SYTL2: variants seen among roughly 807,000 people sequenced by gnomAD.
SYTL2 encodes synaptotagmin-like protein 2.
In SYTL2, 165 loss-of-function variants were observed where a neutral mutation model predicts 198.7. The observed-to-expected ratio is 0.83, with a 90% confidence interval of 0.73 to 0.94. The LOEUF is 0.94. Among genes scored for constraint, SYTL2 ranks in the 40% least tolerant of loss-of-function variants. The pLI, the probability that SYTL2 is intolerant of heterozygous loss-of-function variation, is 0.00. For synonymous variants in SYTL2, 966 were observed against 917.7 expected (o/e 1.05, Z -0.95); for missense variants, 2,835 against 2,582.8 (o/e 1.10, Z -2.12).
intron 12 of SYTL2, among the ~76,000 whole-genome samples, chr11:85,714,193 T>C (rs1301215912): frequency 6.6e-6 from 1 of 152,220 alleles, no homozygotes; most frequent in Non-Finnish European, 1.5e-5. Flanking sequence ...TCTATGCAAT[T>C]TGACTTCACT....
rs564478275 is a variant in SYTL2 at position 85,727,958 on chromosome 11, G to T, written c.1400C>A (p.Ser467Tyr). The change falls in exon 8 of 20, where the codon TCT (serine) becomes TAT (tyrosine). Residue 467 changes from serine (S) to tyrosine (Y), a missense_variant. Ser to Tyr is a moderately radical substitution (Grantham distance 144). Around this residue, in one of 3 missense-constraint regions of SYTL2, gnomAD observed 2,645 missense variants for 2,381.7 expected, o/e 1.11. Transcript: ENST00000359152. ...VLPRSPADEL[S>Y]HCVEPEPSQV... ...AGATGGCTCAGGCTCAACACAATGA[G>T]ACAGTTCATCTGCAACATAGAAATA... is the stretch of plus-strand genomic sequence containing the variant. 1 of 1,590,046 alleles carries T rather than the reference G, an allele frequency of 6.3e-7. No individual in the cohort carries two copies. Among genetic ancestry groups the T allele is most frequent in the South Asian group, 1.2e-5 (1 of 86,770 alleles).
intron 10 of SYTL2, chr11:85,717,800 A>T: frequency 2.0e-6 from 1 of 506,394 alleles, no homozygotes; most frequent in Non-Finnish European, 3.8e-6. Context: ...AATGGGAAGG[A>T]GCACTGGACT....
intron 2 of SYTL2, among the ~76,000 whole-genome samples, chr11:85,753,765 TTAAAA>T (rs2091692837): frequency 2.0e-5 from 2 of 101,840 alleles, no homozygotes; most frequent in Admixed American, 1.0e-4. Context: ...ACTCTCTTTT[TTAAAA>T]AAAAAAAAAA....
rs113802342 is a variant in SYTL2, at chr11:85,707,257, C to T, written c.6018+172G>A. Among the ~76,000 whole-genome samples, 102 of 152,242 alleles carry T rather than the reference C, an allele frequency of 6.7e-4. 1 individual carries two copies. Among genetic ancestry groups the T allele is most frequent in the African/African-American group, 1.9e-3 (78 of 41,522 alleles). On this transcript the variant is annotated intron_variant, in intron 15 of 19. Transcript: ENST00000359152. ...TATATATGGGGAGTGAATGAAATAACGTATACAACATTCAGGTTGTTTTGT... is the reference window on the plus strand; with the variant it reads ...TATATATGGGGAGTGAATGAAATAATGTATACAACATTCAGGTTGTTTTGT...
chr11:85,751,198 C>T (rs1421289571), intron 2 of SYTL2, among the ~76,000 whole-genome samples: 3 of 152,184 alleles, frequency 2.0e-5, no homozygotes, highest in Non-Finnish European at 4.4e-5. Flanking sequence ...TTACATATTT[C>T]CTTACATGAC....
the SYTL2 span, among the ~76,000 whole-genome samples, chr11:85,820,123 T>C: frequency 6.6e-6 from 1 of 152,236 alleles, no homozygotes; most frequent in Admixed American, 6.5e-5. Context: ...CCATTATAAA[T>C]GTAAGCAACA....
intron 1 of SYTL2, among the ~76,000 whole-genome samples, chr11:85,794,933 T>A (rs1162917448): frequency 6.6e-6 from 1 of 151,976 alleles, no homozygotes; most frequent in African/African-American, 2.4e-5. Flanking sequence ...TCAAAATGCC[T>A]AGCTTCCCAT....
At chr11:85,735,498 T>A (rs1371419219) in intron 6 of SYTL2, among the ~76,000 whole-genome samples, 1 of 152,214 alleles carries the variant, frequency 6.6e-6, no homozygotes, top group Non-Finnish European at 1.5e-5. Flanking sequence ...GGCTCACACC[T>A]GTAATCCCAG....
At chr11:85,808,361 G>A (rs879377844) in intron 1 of SYTL2, among the ~76,000 whole-genome samples, 33 of 151,950 alleles carry the variant, frequency 2.2e-4, no homozygotes, top group Non-Finnish European at 2.4e-4. Context: ...CACTGCACCC[G>A]GCCTGATATT....
intron 8 of SYTL2, among the ~76,000 whole-genome samples, chr11:85,723,149 T>C (rs2088604873): frequency 6.6e-6 from 1 of 152,194 alleles, no homozygotes; most frequent in African/African-American, 2.4e-5. Flanking sequence ...AATGTCCACA[T>C]GTTGATTAAA....
chr11:85,752,335 CCTCA>C (rs973567699), intron 2 of SYTL2, among the ~76,000 whole-genome samples: 1 of 152,062 alleles, frequency 6.6e-6, no homozygotes, highest in Non-Finnish European at 1.5e-5. Context: ...TTACAAATGA[CCTCA>C]CTTTCTAGAT....
rs1348404656 is a variant in SYTL2 at position 85,714,397 on chromosome 11, C to T, written c.5625+16G>A. The T allele has an allele frequency of 2.5e-6, 4 of 1,600,756 alleles. No individual in the cohort carries two copies. The Admixed American group carries it at 6.7e-5, about 27-fold the overall frequency. On this transcript the variant is annotated intron_variant, in intron 12 of 19. Transcript: ENST00000359152. ...CTCTGTCTCCATTTTTCTGAAGGTACAAAAGACAAACTTGCCTCATCTTGG... is the reference window on the plus strand; with the variant it reads ...CTCTGTCTCCATTTTTCTGAAGGTATAAAAGACAAACTTGCCTCATCTTGG...
intron 1 of SYTL2, among the ~76,000 whole-genome samples, chr11:85,770,004 G>A (rs1055526173): frequency 1.3e-5 from 2 of 152,142 alleles, no homozygotes; most frequent in African/African-American, 2.4e-5. Context: ...GGACAGCTGG[G>A]GGCTCAGATG....
the SYTL2 span, among the ~76,000 whole-genome samples, chr11:85,832,651 A>T: frequency 1.3e-5 from 2 of 152,096 alleles, no homozygotes; most frequent in African/African-American, 2.4e-5. Context: ...GGAGGTATTT[A>T]TGAGGAAATA....
At chr11:85,747,392 G>A (rs2091227258) in intron 3 of SYTL2, among the ~76,000 whole-genome samples, 1 of 152,126 alleles carries the variant, frequency 6.6e-6, no homozygotes, top group African/African-American at 2.4e-5. Flanking sequence ...GCCCATCTGG[G>A]GTGGGATGCT....
chr11:85,708,648 A>G (rs1319731133), intron 14 of SYTL2, among the ~76,000 whole-genome samples: 3 of 152,026 alleles, frequency 2.0e-5, no homozygotes, highest in Non-Finnish European at 4.4e-5. Flanking sequence ...CTAATTTTGT[A>G]AAAAGTTTGA....
In SYTL2 at chr11:85,726,096, T is replaced by C. The variant is rs372504994; in HGVS notation, c.3262A>G (p.Lys1088Glu). 1 of 1,613,660 alleles carries C rather than the reference T, an allele frequency of 6.2e-7. No individual in the cohort carries two copies. Among genetic ancestry groups the C allele is most frequent in the African/African-American group, 1.3e-5 (1 of 74,914 alleles). Residue 1088 changes from lysine (K) to glutamate (E), a missense_variant, in exon 8 of 20, where the codon AAG (lysine) becomes GAG (glutamate). Coordinates refer to ENST00000359152, the MANE Select transcript of SYTL2 (RefSeq NM_206927.4). ...TYQLPGNESS[K>E]ENVEKNTEGI... ...TCCGTATTCTTTTCCACATTTTCCT[T>C]TGATGACTCATTTCCTGGCAACTGA...
In SYTL2 at chr11:85,717,518, T is replaced by C. The variant is rs1225266329; in HGVS notation, c.5495A>G (p.Asp1832Gly). The C allele has an allele frequency of 3.7e-6, 6 of 1,613,108 alleles. No homozygotes were observed. The South Asian group carries it at 5.5e-5, about 15-fold the overall frequency. ...VRSAEDDEKP[D>G]QKPVTNECVP... ...GCATTCATTTGTAACTGGCTTCTGA[T>C]CTGGTTTCTCATCTACTCAGGAGGG... Residue 1832 changes from aspartate (D) to glycine (G), a missense_variant, in exon 11 of 20, where the codon GAT (aspartate) becomes GGT (glycine). Coordinates refer to ENST00000359152, the MANE Select transcript of SYTL2 (RefSeq NM_206927.4).
chr11:85,834,740 T>C, the SYTL2 span, among the ~76,000 whole-genome samples: 1 of 150,096 alleles, frequency 6.7e-6, no homozygotes, highest in East Asian at 1.9e-4. Flanking sequence ...CAGAAAAGCA[T>C]ATTAAATGCT....
Sources: gnomAD v4.1 joint callset for allele counts (sites outside exome capture counted in the v4.1 genomes callset) on GRCh38, gnomAD v4.1.1 for gene constraint, gnomAD v4.1.1 regional missense constraint, MANE v1.5 for transcripts, NCBI Gene and HGNC (gene_info 2026-07-23, HGNC 2026-07-21) for gene names.